Variants in PTPRZ1 observed in about 807,000 individuals in gnomAD.
PTPRZ1 encodes receptor-type tyrosine-protein phosphatase zeta.
PTPRZ1 carries 82 observed loss-of-function variants against 214.1 expected under a neutral mutation model. The ratio of observed to expected loss-of-function variants is 0.38; its 90% CI spans 0.32 to 0.46. PTPRZ1 has a LOEUF of 0.46. Ranked by LOEUF, PTPRZ1 falls within the 20% of genes least tolerant of loss-of-function variation. The probability of loss-of-function intolerance (pLI) is 1.00; values close to 1 mark genes in which losing one functional copy is unlikely to be tolerated. For synonymous variants in PTPRZ1, 945 were observed against 987.9 expected, an observed-to-expected ratio of 0.96 and a Z score of 0.81; for missense variants, 2,603 against 2,748.7, an observed-to-expected ratio of 0.95 and a Z score of 1.19.
In PTPRZ1 at chr7:121,968,095, T is replaced by C. The variant is rs1563042041; in HGVS notation, c.269T>C (p.Leu90Ser). ...LKFQGWDKTS[L>S]ENTFIHNTGK... ...TTTCAGGGTTGGGATAAAACATCAT[T>C]GGAAAACACATTCATTCATAACACT... The change falls in exon 3 of 30, where the codon TTG becomes TCG. Residue 90 changes from leucine to serine, a missense_variant. Physicochemically the swap from Leu to Ser is moderately radical, Grantham distance 145. Around this residue, in one of 6 missense-constraint regions of PTPRZ1, gnomAD observed 141 missense variants for 143.7 expected, o/e 0.98. Coordinates refer to ENST00000393386, the MANE Select transcript of PTPRZ1 (RefSeq NM_002851.3). The C allele has an allele frequency of 1.9e-6, 3 of 1,605,564 alleles. No homozygotes were observed. Among genetic ancestry groups the C allele is most frequent in the Non-Finnish European group, 2.5e-6 (3 of 1,176,998 alleles).
chr7:122,012,889 A>G lies in PTPRZ1; in HGVS notation c.3843A>G (p.Gln1281=). 2 of 1,614,178 alleles carry G rather than the reference A, an allele frequency of 1.2e-6. No homozygotes were observed. The highest frequency in any genetic ancestry group is 1.7e-6 in the Non-Finnish European group (2 of 1,180,022). ...TGTTAAAAAGTGAAAGTTCCCACCA[A>G]GTGGTACCTTCTTTGTACAGTAATG... ...PVLLKSESSH[Q]VVPSLYSNDE... is the part of the protein sequence containing the mutation. Residue 1281 remains glutamine, a synonymous_variant, in exon 12 of 30, where the codon CAA becomes CAG. Transcript: ENST00000393386.
chr7:121,990,512 CTTTTTTTT>C (rs758696565), intron 8 of PTPRZ1, among the ~76,000 whole-genome samples: 18 of 73,472 alleles, frequency 2.4e-4, no homozygotes, highest in Non-Finnish European at 2.5e-4. Context: ...TGAAAACTGT[CTTTTTTTT>C]TTTTTTTTTT....
At chr7:121,916,011 C>T (rs1044640928) in intron 1 of PTPRZ1, among the ~76,000 whole-genome samples, 2 of 152,100 alleles carry the variant, frequency 1.3e-5, no homozygotes, top group Non-Finnish European at 2.9e-5. Context: ...CGCAGTGGCT[C>T]ATGCCTGTAA....
At chr7:121,879,830 T>G (rs541204216) in intron 1 of PTPRZ1, among the ~76,000 whole-genome samples, 68 of 152,084 alleles carry the variant, frequency 4.5e-4, no homozygotes, top group Non-Finnish European at 2.8e-4. Flanking sequence ...CCTCCCTTCT[T>G]CCCTCCCTTC....
intron 1 of PTPRZ1, among the ~76,000 whole-genome samples, chr7:121,877,376 C>T (rs1316904954): frequency 2.0e-5 from 3 of 152,192 alleles, no homozygotes; most frequent in Admixed American, 2.0e-4. Flanking sequence ...TGTGATGGTA[C>T]ATTTCACAGT....
At chr7:121,990,897 T>C (rs1797940437) in intron 8 of PTPRZ1, among the ~76,000 whole-genome samples, 1 of 152,206 alleles carries the variant, frequency 6.6e-6, no homozygotes, top group Admixed American at 6.5e-5. Context: ...AGCAAAAGTA[T>C]GAAGTAGATT....
At chr7:122,050,685 AAATT>A (rs1233586013) in intron 23 of PTPRZ1, among the ~76,000 whole-genome samples, 4 of 152,120 alleles carry the variant, frequency 2.6e-5, no homozygotes, top group Admixed American at 1.3e-4. Flanking sequence ...AACCCCCTAC[AAATT>A]AATAAGTGGA....
In PTPRZ1 at chr7:122,016,652, G is replaced by C. The variant is rs143050584; in HGVS notation, c.4844-2472G>C. The stretch of plus-strand genomic sequence containing the variant: ...ATACAGTGTCTGTATATAAATATGT[G>C]TATATGGTATATTTACATATATAAT... On this transcript the variant is annotated intron_variant, in intron 12 of 29. Transcript: ENST00000393386. Among the ~76,000 whole-genome samples the C allele has an allele frequency of 3.5e-4, 53 of 151,624 alleles. 1 individual carries two copies. The highest frequency in any genetic ancestry group is 1.2e-3 in the African/African-American group (51 of 41,380).
rs1798637881 is a variant in PTPRZ1, at chr7:122,010,934, G to T, written c.1888G>T (p.Ala630Ser). 6 of 1,614,110 alleles carry T rather than the reference G, an allele frequency of 3.7e-6. No individual in the cohort carries two copies. The highest frequency in any genetic ancestry group is 5.1e-6 in the Non-Finnish European group (6 of 1,180,006). The change falls in exon 12 of 30, where the codon GCT (alanine) becomes TCT (serine). Residue 630 changes from alanine (A) to serine (S), a missense_variant. Physicochemically the swap from Ala to Ser is moderately conservative, Grantham distance 99. Around this residue, in one of 6 missense-constraint regions of PTPRZ1, gnomAD observed 1,913 missense variants for 1,914.3 expected, o/e 1.00. Transcript: ENST00000393386. The part of the protein sequence containing the change: ...DVLIPESARN[A>S]SEDSTSSGSE... ...CCTTATACCAGAATCTGCTAGAAATGCTTCCGAAGATTCAACTTCATCAGG... is the reference window on the plus strand; with the variant it reads ...CCTTATACCAGAATCTGCTAGAAATTCTTCCGAAGATTCAACTTCATCAGG...
chr7:121,888,006 A>AT (rs1794451716), intron 1 of PTPRZ1, among the ~76,000 whole-genome samples: 1 of 152,066 alleles, frequency 6.6e-6, no homozygotes, highest in Admixed American at 6.6e-5. Context: ...TTTTACAGCC[A>AT]TTGGTTACCT....
Position 121,976,285 on chromosome 7 carries a change from TTACAC to T in PTPRZ1, c.552+20_552+24del. 7.2e-7 allele frequency: 1 copy of T among 1,389,798 alleles called. No homozygotes were observed. Among genetic ancestry groups the T allele is most frequent in the African/African-American group, 1.4e-5 (1 of 71,316 alleles). The allele number at this position is 1,389,798 out of a possible 1,614,324, so 86.1% of individuals were successfully genotyped here. A position where few individuals can be genotyped will look rare whatever the true frequency, so the allele number is the denominator to read the frequency against. ...TTGTTTGAGGTAATATATATACACT[TTACAC>T]TAATGTAATTCCTTTTTAAGTCACA... is the stretch of plus-strand genomic sequence containing the variant. On this transcript the variant is annotated intron_variant, in intron 5 of 29. Transcript: ENST00000393386.
intron 20 of PTPRZ1, 39 bp from the exon 21 acceptor site, chr7:122,040,777 T>C: frequency 8.2e-7 from 1 of 1,220,060 alleles, no homozygotes; most frequent in Non-Finnish European, 1.1e-6. Context: ...TGTGTGTGTG[T>C]GTGTGTTTGA....
chr7:121,898,172 T>C (rs976519141), intron 1 of PTPRZ1, among the ~76,000 whole-genome samples: 1 of 151,922 alleles, frequency 6.6e-6, no homozygotes, highest in African/African-American at 2.4e-5. Context: ...TTAGAGACAT[T>C]CAGGAATATG....
At chr7:121,927,763 A>T (rs1795806894) in intron 1 of PTPRZ1, among the ~76,000 whole-genome samples, 1 of 152,246 alleles carries the variant, frequency 6.6e-6, no homozygotes, top group African/African-American at 2.4e-5. Context: ...GATTGTAAAC[A>T]TAAAGGTATC....
At chr7:121,986,697 T>C (rs1797771701) in intron 8 of PTPRZ1, among the ~76,000 whole-genome samples, 1 of 152,190 alleles carries the variant, frequency 6.6e-6, no homozygotes, top group Non-Finnish European at 1.5e-5. Flanking sequence ...ATTTATCACC[T>C]ATTTGTCTGT....
At chr7:122,015,147 GA>G (rs1798808014) in intron 12 of PTPRZ1, among the ~76,000 whole-genome samples, 1 of 152,164 alleles carries the variant, frequency 6.6e-6, no homozygotes, top group South Asian at 2.1e-4. Flanking sequence ...ATTAAGTATA[GA>G]AAAGTAATAC....
chr7:121,928,515 C>T (rs940711904), intron 2 of PTPRZ1, among the ~76,000 whole-genome samples: 4 of 151,718 alleles, frequency 2.6e-5, no homozygotes, highest in South Asian at 2.1e-4. Context: ...TTTTTTTCAA[C>T]GGTGAAATGG....
At chr7:121,933,677 T>C (rs547528919) in intron 2 of PTPRZ1, among the ~76,000 whole-genome samples, 9 of 152,296 alleles carry the variant, frequency 5.9e-5, no homozygotes, top group African/African-American at 2.2e-4. Flanking sequence ...ATGCTACTTA[T>C]AGAAAACAAA....
intron 13 of PTPRZ1, among the ~76,000 whole-genome samples, chr7:122,020,868 CT>C (rs1798996213): frequency 6.6e-6 from 1 of 151,864 alleles, no homozygotes; most frequent in African/African-American, 2.4e-5. Context: ...TAGCAGAGTG[CT>C]TTGAACCTAA....
Sources: gnomAD v4.1 joint callset for allele counts (sites outside exome capture counted in the v4.1 genomes callset) on GRCh38, gnomAD v4.1.1 for gene constraint, gnomAD v4.1.1 regional missense constraint, MANE v1.5 for transcripts, NCBI Gene and HGNC (gene_info 2026-07-23, HGNC 2026-07-21) for gene names.